CYP27A1: variants seen among roughly 807,000 people sequenced by gnomAD.
The protein encoded by CYP27A1 is cytochrome P450 family 27 subfamily A member 1.
A neutral mutation model predicts 58.2 loss-of-function variants in CYP27A1; 46 were observed. The ratio of observed to expected loss-of-function variants is 0.79; its 90% CI spans 0.62 to 1.01. The LOEUF is 1.01. Ranked by LOEUF, CYP27A1 falls within the 50% of genes least tolerant of loss-of-function variation. The pLI, the probability that CYP27A1 is intolerant of heterozygous loss-of-function variation, is 0.00. For missense variants in CYP27A1, 704 were observed against 687.0 expected, an observed-to-expected ratio of 1.02 and a Z score of -0.28; for synonymous variants, 274 against 285.1, an observed-to-expected ratio of 0.96 and a Z score of 0.39.
rs748904875 is a variant in CYP27A1, at chr2:218,809,677, G to T, written c.356G>T (p.Arg119Leu). Residue 119 changes from arginine (R) to leucine (L), a missense_variant, in exon 2 of 9, where the codon CGG (arginine) becomes CTG (leucine). Coordinates refer to ENST00000258415, the MANE Select transcript of CYP27A1 (RefSeq NM_000784.4). ...ASAPLLEQVM[R>L]QEGKYPVRND... ...GCCCCGCTCTTGGAGCAAGTGATGCGGCAAGAGGGCAAGTACCCAGTACGG... is the reference window on the plus strand; with the variant it reads ...GCCCCGCTCTTGGAGCAAGTGATGCTGCAAGAGGGCAAGTACCCAGTACGG... 7 of 1,614,086 alleles carry T rather than the reference G, an allele frequency of 4.3e-6. No homozygotes were observed. The South Asian group carries it at 4.4e-5, about 10-fold the overall frequency.
Position 218,782,147 on chromosome 2 carries a change from A to G in CYP27A1, c.-36A>G, listed in dbSNP as rs1943395884. On this transcript the variant is annotated 5_prime_UTR_variant, in exon 1 of 9. Transcript: ENST00000258415. This position sits in a 1 kb window ranked among gnomAD's most constrained non-coding sequence, Gnocchi z 4.1. ...GTCTGGGCGGGTCCGGGGACTCAGC[A>G]CTCGACCCAAAGGTGCAGGCGCGCG... is the stretch of plus-strand genomic sequence containing the variant. 6.5e-7 allele frequency: 1 copy of G among 1,532,364 alleles called. No individual in the cohort carries two copies. Among genetic ancestry groups the G allele is most frequent in the African/African-American group, 1.4e-5 (1 of 72,714 alleles). The allele number at this position is 1,532,364 out of a possible 1,614,324, so 94.9% of individuals were successfully genotyped here.
chr2:218,809,764 C>G lies in CYP27A1; in HGVS notation c.443C>G (p.Thr148Ser), dbSNP rs1404621754. The stretch of plus-strand genomic sequence containing the variant: ...CACGACCTGACCTATGGGCCGTTCA[C>G]CACGTGAGCTGGGGCCTGAAGGGAC... The part of the protein sequence containing the change: ...DQHDLTYGPF[T>S]TEGHHWYQLR... The change falls in exon 2 of 9, where the codon ACC (threonine) becomes AGC (serine). Residue 148 changes from threonine (T) to serine (S), a missense_variant. Thr to Ser is a moderately conservative substitution (Grantham distance 58). Coordinates refer to ENST00000258415, the MANE Select transcript of CYP27A1 (RefSeq NM_000784.4). 1.9e-6 allele frequency: 3 copies of G among 1,612,662 alleles called. No homozygotes were observed. The African/African-American group carries it at 4.0e-5, about 22-fold the overall frequency.
In CYP27A1 at chr2:218,812,317, T is replaced by C. The variant is rs1322895457; in HGVS notation, c.542T>C (p.Val181Ala). ...CTCTATACGGATGCTTTCAATGAGG[T>C]GATTGATGACTTTATGACTCGACTG... ...AALYTDAFNE[V>A]IDDFMTRLDQ... Residue 181 changes from valine (V) to alanine (A), a missense_variant, in exon 3 of 9, where the codon GTG (valine) becomes GCG (alanine). Coordinates refer to ENST00000258415, the MANE Select transcript of CYP27A1 (RefSeq NM_000784.4). 1 of 1,613,980 alleles carries C rather than the reference T, an allele frequency of 6.2e-7. No homozygotes were observed. Among genetic ancestry groups the C allele is most frequent in the Admixed American group, 1.7e-5 (1 of 60,002 alleles).
chr2:218,811,306 C>T (rs1943712981), intron 2 of CYP27A1, among the ~76,000 whole-genome samples: 1 of 152,138 alleles, frequency 6.6e-6, no homozygotes, highest in Non-Finnish European at 1.5e-5. Context: ...CCTCTTTATC[C>T]AGGAGCATGC....
rs143844199 is a variant in CYP27A1, at chr2:218,814,987, C to T, written c.1553C>T (p.Pro518Leu). 6.2e-7 allele frequency: 1 copy of T among 1,614,206 alleles called. No individual in the cohort carries two copies. The highest frequency in any genetic ancestry group is 1.3e-5 in the African/African-American group (1 of 75,050). The change falls in exon 9 of 9, where the codon CCC becomes CTC. Residue 518 changes from proline to leucine, a missense_variant. By Grantham distance (98) the Pro-to-Leu change is moderately conservative (BLOSUM62 -3). Coordinates refer to ENST00000258415, the MANE Select transcript of CYP27A1 (RefSeq NM_000784.4). Reference protein sequence around the residue: ...LKSVARIVLVPNKKVGLQFLQ... With the variant: ...LKSVARIVLVLNKKVGLQFLQ... Reference sequence around the variant, plus strand: ...AGTGTGGCCCGCATTGTCCTGGTTCCCAATAAGAAAGTGGGCCTGCAGTTC... The same window carrying T: ...AGTGTGGCCCGCATTGTCCTGGTTCTCAATAAGAAAGTGGGCCTGCAGTTC...
At chr2:218,812,837 C>T in intron 4 of CYP27A1, 87 bp from the exon 5 acceptor site, 1 of 1,606,242 alleles carries the variant, frequency 6.2e-7, no homozygotes, top group Non-Finnish European at 8.5e-7. Context: ...CCTTTTCCCT[C>T]ATGCTACCAG....
rs1696186258 is a variant in CYP27A1 at position 218,809,615 on chromosome 2, C to T, written c.294C>T (p.Ser98=). Residue 98 remains serine, a synonymous_variant, in exon 2 of 9, where the codon TCC becomes TCT. Coordinates refer to ENST00000258415, the MANE Select transcript of CYP27A1 (RefSeq NM_000784.4). ...YKAKYGPMWM[S]YLGPQMHVNL... ...CCAAGTACGGTCCAATGTGGATGTC[C>T]TACTTAGGGCCTCAGATGCACGTGA... 2.5e-6 allele frequency: 4 copies of T among 1,614,014 alleles called. No individual in the cohort carries two copies. Among genetic ancestry groups the T allele is most frequent in the Non-Finnish European group, 3.4e-6 (4 of 1,180,044 alleles).
At chr2:218,792,945 T>C (rs2105972746) in intron 1 of CYP27A1, among the ~76,000 whole-genome samples, 1 of 152,358 alleles carries the variant, frequency 6.6e-6, no homozygotes, top group South Asian at 2.1e-4. Context: ...ATTTTGAAGC[T>C]GAAATCTGAT....
intron 1 of CYP27A1, among the ~76,000 whole-genome samples, chr2:218,808,834 A>G (rs574100692): frequency 3.9e-5 from 6 of 152,284 alleles, no homozygotes; most frequent in Admixed American, 1.3e-4. Context: ...AGCAATGTCA[A>G]TTTCATAGAG....
chr2:218,814,164 A>T lies in CYP27A1; in HGVS notation c.1161A>T (p.Lys387Asn). Residue 387 changes from lysine (K) to asparagine (N), a missense_variant, in exon 6 of 9, where the codon AAA becomes AAT. Transcript: ENST00000258415. ...HKDFAHMPLL[K>N]AVLKETLRLY... ...ACTTTGCCCACATGCCGTTGCTCAA[A>T]GCTGTGCTTAAGGAGACTCTGCGGT... 6.2e-7 allele frequency: 1 copy of T among 1,614,236 alleles called. No homozygotes were observed. The highest frequency in any genetic ancestry group is 8.5e-7 in the Non-Finnish European group (1 of 1,180,048).
chr2:218,794,255 A>T (rs2105973209), intron 1 of CYP27A1, among the ~76,000 whole-genome samples: 1 of 152,256 alleles, frequency 6.6e-6, no homozygotes, highest in East Asian at 1.9e-4. Flanking sequence ...CACTCTAAAG[A>T]AGTACTTCTA....
At chr2:218,790,677 A>G (rs1490281120) in intron 1 of CYP27A1, among the ~76,000 whole-genome samples, 1 of 151,864 alleles carries the variant, frequency 6.6e-6, no homozygotes, top group Non-Finnish European at 1.5e-5. Context: ...TAGAGAGCCT[A>G]TCATGAGGGA....
At chr2:218,812,158 A>G in intron 2 of CYP27A1, 64 bp from the exon 3 acceptor site, 1 of 1,271,320 alleles carries the variant, frequency 7.9e-7, no homozygotes. Context: ...CAGGGTGAGA[A>G]GATCTCCCTT....
chr2:218,810,553 G>GAT (rs1199060571), intron 2 of CYP27A1, among the ~76,000 whole-genome samples: 1 of 152,124 alleles, frequency 6.6e-6, no homozygotes, highest in Non-Finnish European at 1.5e-5. Flanking sequence ...GCTAACTCAT[G>GAT]ATAAGTTTGG....
intron 1 of CYP27A1, among the ~76,000 whole-genome samples, chr2:218,789,725 C>T (rs1176863638): frequency 2.0e-5 from 3 of 152,186 alleles, no homozygotes; most frequent in Admixed American, 6.5e-5. Context: ...TCCCCACTTT[C>T]GGTTATTTCA....
intron 1 of CYP27A1, among the ~76,000 whole-genome samples, chr2:218,803,250 C>T (rs555003333): frequency 4.3e-4 from 65 of 152,250 alleles, no homozygotes; most frequent in South Asian, 2.3e-3. Context: ...TGAACCACCA[C>T]GCCCAGCCAT....
chr2:218,786,909 A>G (rs1043612156), intron 1 of CYP27A1, among the ~76,000 whole-genome samples: 1 of 151,430 alleles, frequency 6.6e-6, no homozygotes, highest in African/African-American at 2.4e-5. Flanking sequence ...GTCCTCTCAC[A>G]TCAGCCTCCC....
At chr2:218,787,946 C>T (rs1266156342) in intron 1 of CYP27A1, among the ~76,000 whole-genome samples, 3 of 152,222 alleles carry the variant, frequency 2.0e-5, no homozygotes, top group Non-Finnish European at 1.5e-5. Flanking sequence ...GCATAACAAA[C>T]TATCCCAAAC....
intron 1 of CYP27A1, among the ~76,000 whole-genome samples, chr2:218,806,865 C>T (rs1164063906): frequency 6.6e-6 from 1 of 151,714 alleles, no homozygotes; most frequent in African/African-American, 2.4e-5. Flanking sequence ...TCATGGTCAG[C>T]TCTATGGAAA....
Sources: allele counts gnomAD v4.1 joint callset (sites outside exome capture counted in the v4.1 genomes callset), GRCh38; gene constraint gnomAD v4.1.1; non-coding constraint Gnocchi (gnomAD v3.1); transcripts MANE v1.5; gene names NCBI Gene and HGNC (gene_info 2026-07-23, HGNC 2026-07-21).